EXOC4: variants seen among roughly 807,000 people sequenced by gnomAD.
EXOC4 encodes the protein SEC8-like 1.
A neutral mutation model predicts 107.2 loss-of-function variants in EXOC4; 71 were observed. The observed-to-expected ratio is 0.66, with a 90% CI of 0.55 to 0.81. The LOEUF is 0.81. Among genes scored for constraint, EXOC4 ranks in the 30% least tolerant of loss-of-function variants. The pLI is 0.00. For synonymous variants in EXOC4, 456 were observed against 441.2 expected, an observed-to-expected ratio of 1.03 and a Z score of -0.42; for missense variants, 1,108 against 1,189.6, an observed-to-expected ratio of 0.93 and a Z score of 1.01.
intron 9 of EXOC4, among the ~76,000 whole-genome samples, chr7:133,524,112 C>T (rs1299034684): frequency 2.1e-5 from 3 of 140,664 alleles, no homozygotes; most frequent in Middle Eastern, 3.4e-3. Flanking sequence ...CCTGTTGTTT[C>T]CTGACTTTTT....
chr7:133,773,830 A>G (rs938966937), intron 10 of EXOC4, among the ~76,000 whole-genome samples: 1 of 152,026 alleles, frequency 6.6e-6, no homozygotes, highest in Non-Finnish European at 1.5e-5. Flanking sequence ...ATTGTCTGTG[A>G]AGATAAGCCT....
intron 9 of EXOC4, among the ~76,000 whole-genome samples, chr7:133,499,619 C>T (rs893736408): frequency 1.3e-5 from 2 of 151,860 alleles, no homozygotes; most frequent in Non-Finnish European, 2.9e-5. Flanking sequence ...GATATGTGTC[C>T]CTGCCCAAAT....
intron 7 of EXOC4, among the ~76,000 whole-genome samples, chr7:133,445,689 G>A (rs1052473005): frequency 6.6e-6 from 1 of 152,154 alleles, no homozygotes; most frequent in African/African-American, 2.4e-5. Flanking sequence ...AGCAGTAGCT[G>A]TGAGTCTCTG....
intron 11 of EXOC4, among the ~76,000 whole-genome samples, chr7:133,855,393 G>GA (rs1357686178): frequency 6.6e-6 from 1 of 151,622 alleles, no homozygotes; most frequent in Non-Finnish European, 1.5e-5. Context: ...ATCGAGAAAT[G>GA]AAAAGATGTA....
At chr7:133,267,333 C>G (rs1304601936) in intron 1 of EXOC4, among the ~76,000 whole-genome samples, 1 of 152,154 alleles carries the variant, frequency 6.6e-6, no homozygotes, top group Non-Finnish European at 1.5e-5. Flanking sequence ...CATTTCCTGT[C>G]ACTGTCACTC....
At chr7:133,514,429 T>C (rs1435440662) in intron 9 of EXOC4, among the ~76,000 whole-genome samples, 3 of 152,202 alleles carry the variant, frequency 2.0e-5, no homozygotes, top group Admixed American at 6.5e-5. Context: ...TCCAAAGTGC[T>C]GGGATTACAG....
At chr7:133,645,701 G>A (rs913517732) in intron 10 of EXOC4, among the ~76,000 whole-genome samples, 2 of 151,940 alleles carry the variant, frequency 1.3e-5, no homozygotes, top group African/African-American at 2.4e-5. Context: ...ACAGTTCATC[G>A]TTCAGGTTTT....
chr7:133,458,227 TTAAG>T (rs1798508498), intron 7 of EXOC4, among the ~76,000 whole-genome samples: 1 of 152,156 alleles, frequency 6.6e-6, no homozygotes, highest in South Asian at 2.1e-4. Flanking sequence ...GAATCTGAGA[TTAAG>T]TATTAGAGCT....
At chr7:133,894,116 C>A (rs1051226539) in intron 11 of EXOC4, among the ~76,000 whole-genome samples, 2 of 90,844 alleles carry the variant, frequency 2.2e-5, no homozygotes, top group Admixed American at 1.8e-4. Flanking sequence ...TTCTTGGAGG[C>A]TTTGCTCATT....
At chr7:133,862,701 A>G (rs1054784449) in intron 11 of EXOC4, among the ~76,000 whole-genome samples, 2 of 152,218 alleles carry the variant, frequency 1.3e-5, no homozygotes, top group Non-Finnish European at 2.9e-5. Flanking sequence ...TCTTTAAGCT[A>G]TAGATACATA....
In EXOC4 at chr7:133,284,393, T is replaced by C. The variant is rs1159792248; in HGVS notation, c.277-4529T>C. Among the ~76,000 whole-genome samples the C allele has an allele frequency of 3.3e-5, 5 of 152,128 alleles. No homozygotes were observed. In the East Asian group the frequency reaches 5.8e-4, roughly 18 times the overall value. ...AACTATAGTAGCAAGGTGATATAAGTAGGATATCAGAAATCAGATTCTAAC... is the reference window on the plus strand; with the variant it reads ...AACTATAGTAGCAAGGTGATATAAGCAGGATATCAGAAATCAGATTCTAAC... On this transcript the variant is annotated intron_variant, in intron 2 of 17. Transcript: ENST00000253861.
rs371193103 is a variant in EXOC4, at chr7:134,033,219, A to G, written c.2687+25384A>G. Among the ~76,000 whole-genome samples the G allele has an allele frequency of 7.9e-5, 12 of 152,306 alleles. No homozygotes were observed. The East Asian group carries it at 1.9e-3, about 24-fold the overall frequency. On this transcript the variant is annotated intron_variant, in intron 17 of 17. Coordinates refer to ENST00000253861, the MANE Select transcript of EXOC4 (RefSeq NM_021807.4). Reference sequence around the variant, plus strand: ...GTCAGAGTGCCAAGAGAAACCGAAAATAGAGACTAATGAAAATTTTCTAGA... The same window carrying G: ...GTCAGAGTGCCAAGAGAAACCGAAAGTAGAGACTAATGAAAATTTTCTAGA...
In EXOC4 at chr7:133,280,015, T is replaced by C. The variant is rs113384173; in HGVS notation, c.276+4844T>C. Among the ~76,000 whole-genome samples, 1,318 of 152,098 alleles carry C rather than the reference T, an allele frequency of 8.7e-3. 26 individuals are homozygous for C. Among genetic ancestry groups the C allele is most frequent in the African/African-American group, 0.03 (1,239 of 41,486 alleles). On this transcript the variant is annotated intron_variant, in intron 2 of 17. Coordinates refer to ENST00000253861, the MANE Select transcript of EXOC4 (RefSeq NM_021807.4). ...CTCTGTTGTCCAGGTTGGAGTGCAGTGGTGCCATCATAGCTCACTGCAGCC... is the reference window on the plus strand; with the variant it reads ...CTCTGTTGTCCAGGTTGGAGTGCAGCGGTGCCATCATAGCTCACTGCAGCC...
intron 10 of EXOC4, among the ~76,000 whole-genome samples, chr7:133,752,056 G>A (rs531844633): frequency 2.6e-5 from 4 of 151,958 alleles, no homozygotes; most frequent in Non-Finnish European, 5.9e-5. Context: ...AGCTACTTGG[G>A]AGAAAAAGGC....
At chr7:133,498,594 C>CA (rs1563087936) in intron 9 of EXOC4, among the ~76,000 whole-genome samples, 1 of 152,066 alleles carries the variant, frequency 6.6e-6, no homozygotes, top group Non-Finnish European at 1.5e-5. Context: ...CAAAAACAAA[C>CA]AAACAAACAA....
At chr7:133,742,740 A>T (rs1452819798) in intron 10 of EXOC4, among the ~76,000 whole-genome samples, 1 of 152,182 alleles carries the variant, frequency 6.6e-6, no homozygotes, top group Non-Finnish European at 1.5e-5. Context: ...GACTTTGAAT[A>T]CAGCAGCATT....
chr7:133,466,688 A>T (rs533060443), intron 7 of EXOC4, among the ~76,000 whole-genome samples: 2 of 152,334 alleles, frequency 1.3e-5, no homozygotes, highest in African/African-American at 4.8e-5. Flanking sequence ...CTAGGCCAGT[A>T]TTACCCTGAT....
At chr7:134,013,265 A>G (rs1413122980) in intron 17 of EXOC4, among the ~76,000 whole-genome samples, 4 of 152,208 alleles carry the variant, frequency 2.6e-5, no homozygotes, top group Non-Finnish European at 5.9e-5. Context: ...GATGTGATGA[A>G]AATGGCACGT....
At chr7:133,647,469 G>A (rs560209630) in intron 10 of EXOC4, among the ~76,000 whole-genome samples, 18 of 152,088 alleles carry the variant, frequency 1.2e-4, no homozygotes, top group South Asian at 4.2e-4. Flanking sequence ...TATCACCCCC[G>A]TTTTATAGCT....
Sources: gnomAD v4.1 joint callset for allele counts (sites outside exome capture counted in the v4.1 genomes callset) on GRCh38, gnomAD v4.1.1 for gene constraint, MANE v1.5 for transcripts, NCBI Gene and HGNC (gene_info 2026-07-23, HGNC 2026-07-21) for gene names.